Variants in TAX1BP1 observed in about 807,000 individuals in gnomAD.
The protein encoded by TAX1BP1 is tax1-binding protein 1.
Under a neutral mutation model 97.7 loss-of-function variants are expected in TAX1BP1, and 62 were observed. The ratio of observed to expected loss-of-function variants is 0.63; its 90% CI spans 0.52 to 0.78. The LOEUF (loss-of-function observed/expected upper bound fraction) is 0.78, where lower values mean the gene tolerates loss of function less well. Ranked by LOEUF, TAX1BP1 falls within the 30% of genes least tolerant of loss-of-function variation. The pLI is 0.00. For synonymous variants in TAX1BP1, 340 were observed against 304.2 expected, an observed-to-expected ratio of 1.12 and a Z score of -1.23; for missense variants, 867 against 916.1, an observed-to-expected ratio of 0.95 and a Z score of 0.69.
At chr7:27,801,607 G>A (rs569293918) in intron 13 of TAX1BP1, among the ~76,000 whole-genome samples, 12 of 152,256 alleles carry the variant, frequency 7.9e-5, no homozygotes, top group African/African-American at 2.6e-4. Flanking sequence ...CTATGCTTAA[G>A]GAGTTTATAA....
intron 3 of TAX1BP1, among the ~76,000 whole-genome samples, chr7:27,760,815 A>G (rs1788398775): frequency 1.3e-5 from 2 of 152,340 alleles, no homozygotes; most frequent in African/African-American, 4.8e-5. Flanking sequence ...TAGCTTTGGT[A>G]TAGTGATTTC....
chr7:27,796,638 G>T (rs1368141395), intron 12 of TAX1BP1, among the ~76,000 whole-genome samples: 1 of 152,174 alleles, frequency 6.6e-6, no homozygotes, highest in Non-Finnish European at 1.5e-5. Context: ...GACGTGGGTG[G>T]ATCGCTTGAG....
intron 3 of TAX1BP1, 85 bp downstream of exon 3, chr7:27,758,218 C>T: frequency 9.6e-7 from 1 of 1,037,328 alleles, no homozygotes. Context: ...ATGATTTGTT[C>T]AGGTATCTCC....
At chr7:27,825,893 A>G (rs1341852873) in intron 15 of TAX1BP1, among the ~76,000 whole-genome samples, 1 of 152,236 alleles carries the variant, frequency 6.6e-6, no homozygotes, top group Non-Finnish European at 1.5e-5. Context: ...ATTCTAAAAA[A>G]TATAATATCA....
intron 3 of TAX1BP1, among the ~76,000 whole-genome samples, chr7:27,762,343 G>C (rs1399957025): frequency 2.0e-5 from 3 of 151,970 alleles, no homozygotes; most frequent in African/African-American, 7.3e-5. Context: ...GAAAGCTGTT[G>C]GTTTATTTTT....
intron 5 of TAX1BP1, among the ~76,000 whole-genome samples, chr7:27,772,743 A>G (rs1285163086): frequency 6.6e-6 from 1 of 152,094 alleles, no homozygotes; most frequent in African/African-American, 2.4e-5. Context: ...GGTTTAAATT[A>G]TGTGTTTGTT....
chr7:27,766,117 T>C (rs1788623595), intron 4 of TAX1BP1, 96 bp downstream of exon 4: 1 of 1,309,514 alleles, frequency 7.6e-7, no homozygotes, highest in Admixed American at 2.4e-5. Flanking sequence ...ATGTGAGAGT[T>C]GCCACAAAAA....
chr7:27,814,454 TG>T (rs541258409), intron 13 of TAX1BP1, among the ~76,000 whole-genome samples: 6 of 151,918 alleles, frequency 3.9e-5, no homozygotes, highest in African/African-American at 7.2e-5. Context: ...ATAGTTAATT[TG>T]GGGGGGGAAT....
At chr7:27,742,941 T>G (rs1787677154) in intron 1 of TAX1BP1, among the ~76,000 whole-genome samples, 1 of 152,232 alleles carries the variant, frequency 6.6e-6, no homozygotes. Flanking sequence ...CCTTGTATAC[T>G]TCTTTTGGGG....
rs145573015 is a variant in TAX1BP1 at position 27,745,054 on chromosome 7, T to C, written c.-7-3464T>C. Among the ~76,000 whole-genome samples the C allele has an allele frequency of 1.8e-4, 28 of 152,336 alleles. No homozygotes were observed. In the East Asian group the frequency reaches 4.8e-3, roughly 26 times the overall value. Reference sequence around the variant, plus strand: ...CCAAATGTGTCTGGCCCCTTAATTGTTGACTGGACGTTTCATACTTATCCT... The same window carrying C: ...CCAAATGTGTCTGGCCCCTTAATTGCTGACTGGACGTTTCATACTTATCCT... On this transcript the variant is annotated intron_variant, in intron 1 of 16. Coordinates refer to ENST00000396319, the MANE Select transcript of TAX1BP1 (RefSeq NM_006024.7).
At chr7:27,813,351 TTTTTTTTTTC>T (rs1374616976) in intron 13 of TAX1BP1, among the ~76,000 whole-genome samples, 3 of 147,030 alleles carry the variant, frequency 2.0e-5, no homozygotes, top group African/African-American at 7.6e-5. Flanking sequence ...TTTTCTTTTC[TTTTTTTTTTC>T]TTTTTTTTTC....
chr7:27,763,402 T>A (rs913875948), intron 3 of TAX1BP1, among the ~76,000 whole-genome samples: 10 of 152,230 alleles, frequency 6.6e-5, no homozygotes, highest in Non-Finnish European at 1.3e-4. Flanking sequence ...TGAATAATTA[T>A]GTCTATCTCA....
At chr7:27,801,613 TA>T (rs1790140319) in intron 13 of TAX1BP1, among the ~76,000 whole-genome samples, 1 of 152,180 alleles carries the variant, frequency 6.6e-6, no homozygotes, top group Admixed American at 6.5e-5. Flanking sequence ...TTAAGGAGTT[TA>T]TAATCTGGTA....
intron 15 of TAX1BP1, among the ~76,000 whole-genome samples, chr7:27,817,647 T>C (rs969307711): frequency 4.6e-5 from 7 of 152,210 alleles, no homozygotes; most frequent in African/African-American, 1.7e-4. Context: ...TAGCATGTCA[T>C]TATTTTTGTA....
intron 1 of TAX1BP1, 62 bp from the exon 2 acceptor site, chr7:27,748,456 T>A: frequency 8.6e-7 from 1 of 1,163,962 alleles, no homozygotes; most frequent in Non-Finnish European, 1.1e-6. Flanking sequence ...TTATGTATTT[T>A]CTGAAGGCAT....
At chr7:27,808,115 A>AT (rs1449692798) in intron 13 of TAX1BP1, among the ~76,000 whole-genome samples, 1 of 152,122 alleles carries the variant, frequency 6.6e-6, no homozygotes, top group Non-Finnish European at 1.5e-5. Context: ...TTACTGGTGT[A>AT]TGTAGTTTAG....
rs187252976 is a variant in TAX1BP1, at chr7:27,760,924, C to T, written c.265+2791C>T. On this transcript the variant is annotated intron_variant, in intron 3 of 16. Transcript: ENST00000396319. ...TGATTTAATTGGTCTGTGGTATGGC[C>T]TGGGTTTTAGAATTTTGAAAAGATC... 2.2e-4 allele frequency among the ~76,000 whole-genome samples: 33 copies of T among 152,232 alleles called. No individual in the cohort carries two copies. In the East Asian group the frequency reaches 4.0e-3, roughly 19 times the overall value.
At chr7:27,800,323 C>T (rs373435133) in intron 13 of TAX1BP1, among the ~76,000 whole-genome samples, 37 of 152,238 alleles carry the variant, frequency 2.4e-4, no homozygotes, top group African/African-American at 8.4e-4. Flanking sequence ...GTTCAGATGG[C>T]TATTAAAATT....
intron 13 of TAX1BP1, among the ~76,000 whole-genome samples, chr7:27,814,820 C>T (rs1442513719): frequency 6.6e-6 from 1 of 152,012 alleles, no homozygotes; most frequent in Non-Finnish European, 1.5e-5. Context: ...ACTGTAACCT[C>T]CATCTCCCAG....
Sources: allele counts gnomAD v4.1 joint callset (sites outside exome capture counted in the v4.1 genomes callset), GRCh38; gene constraint gnomAD v4.1.1; transcripts MANE v1.5; gene names NCBI Gene and HGNC (gene_info 2026-07-23, HGNC 2026-07-21).